The following UBASH3A variants were observed in gnomAD, a reference collection of about 807,000 sequenced individuals.
UBASH3A encodes ubiquitin-associated and SH3 domain-containing protein A.
Under a neutral mutation model 73.5 loss-of-function variants are expected in UBASH3A, and 63 were observed. The observed-to-expected ratio is 0.86, with a 90% CI of 0.70 to 1.06. The LOEUF (loss-of-function observed/expected upper bound fraction) is 1.06. UBASH3A is among the 50% of genes least tolerant of loss of function. UBASH3A has a pLI of 0.00. For synonymous variants in UBASH3A, 363 were observed against 351.1 expected, an observed-to-expected ratio of 1.03 and a Z score of -0.38; for missense variants, 860 against 859.0, an observed-to-expected ratio of 1.00 and a Z score of -0.02.
chr21:42,435,000 C>A (rs2053601596), intron 10 of UBASH3A, 46 bp downstream of exon 10: 5 of 1,606,410 alleles, frequency 3.1e-6, no homozygotes, highest in Non-Finnish European at 4.3e-6. Context: ...ATAACAGCAA[C>A]ACTGATTATG....
chr21:42,446,123 C>A (rs750219638), intron 14 of UBASH3A, among the ~76,000 whole-genome samples: 1 of 152,210 alleles, frequency 6.6e-6, no homozygotes, highest in East Asian at 1.9e-4. Context: ...AACCCATGAG[C>A]CTTTGTGGCC....
chr21:42,442,641 T>C (rs774146982), intron 12 of UBASH3A, 45 bp downstream of exon 12: 78 of 1,567,364 alleles, frequency 5.0e-5, no homozygotes, highest in Non-Finnish European at 6.5e-5. Flanking sequence ...TTTCCAGTTA[T>C]TGTTAAAGAA....
At chr21:42,434,641 G>A (rs951240192) in intron 9 of UBASH3A, among the ~76,000 whole-genome samples, 191 bp from the exon 10 acceptor site, 25 of 152,218 alleles carry the variant, frequency 1.6e-4, no homozygotes, top group African/African-American at 6.0e-4. Context: ...AGAAAATGTT[G>A]TGTGCACAGC....
chr21:42,443,127 G>A, intron 12 of UBASH3A, 185 bp from the exon 13 acceptor site: 13 of 1,399,430 alleles, frequency 9.3e-6, no homozygotes, highest in South Asian at 1.6e-5. Context: ...AATGTGTGCT[G>A]GAGATTGACT....
chr21:42,420,191 T>C (rs1450791394), intron 7 of UBASH3A, among the ~76,000 whole-genome samples: 2 of 152,174 alleles, frequency 1.3e-5, no homozygotes, highest in African/African-American at 4.8e-5. Context: ...CCCCCACAGA[T>C]ACCCAAATCC....
At chr21:42,404,674 G>A (rs1308080806) in intron 1 of UBASH3A, among the ~76,000 whole-genome samples, 2 of 152,198 alleles carry the variant, frequency 1.3e-5, no homozygotes. Flanking sequence ...CCCAAAGCCC[G>A]CTGAGTCTCT....
intron 7 of UBASH3A, among the ~76,000 whole-genome samples, chr21:42,421,563 A>G (rs2053339037): frequency 6.6e-6 from 1 of 152,276 alleles, no homozygotes. Context: ...CTCAATCTAT[A>G]GATTTTCAGA....
rs113077271 is a variant in UBASH3A at position 42,407,117 on chromosome 21, C to T, written c.167+756C>T. On this transcript the variant is annotated intron_variant, in intron 2 of 14. Transcript: ENST00000319294. ...TGCGTGAGTGATTCTTCAAGCCACC[C>T]ACTGCCATGGGCCTGTTCTCTGCTC... 4.8e-3 allele frequency among the ~76,000 whole-genome samples: 733 copies of T among 152,236 alleles called. 8 individuals are homozygous for T. Among genetic ancestry groups the T allele is most frequent in the African/African-American group, 0.017 (707 of 41,526 alleles).
intron 10 of UBASH3A, 157 bp downstream of exon 10, chr21:42,435,111 C>T (rs968659131): frequency 1.3e-5 from 11 of 872,660 alleles, no homozygotes; most frequent in African/African-American, 1.7e-5. Flanking sequence ...AGAGGTTAAG[C>T]AACTTGCCCA....
In UBASH3A at chr21:42,443,315, C is replaced by A; in HGVS notation, c.1635C>A (p.Pro545=). ...CCTCTCCTTCTCATCCTTCCAGGCC[C>A]GCGTTTCCCCTGTCCGCCCTCATGC... The part of the protein sequence containing the change: ...ANFNIDTDYR[P]AFPLSALMPA... Residue 545 remains proline (P), a synonymous_variant, in exon 13 of 15, where the codon CCC becomes CCA. Transcript: ENST00000319294. 1 of 1,612,266 alleles carries A rather than the reference C, an allele frequency of 6.2e-7. No individual in the cohort carries two copies. Among genetic ancestry groups the A allele is most frequent in the South Asian group, 1.1e-5 (1 of 90,734 alleles).
In UBASH3A at chr21:42,447,075, T is replaced by C; in HGVS notation, c.1867T>C (p.Cys623Arg). The C allele has an allele frequency of 2.5e-6, 4 of 1,614,010 alleles. No homozygotes were observed. The highest frequency in any genetic ancestry group is 3.4e-6 in the Non-Finnish European group (4 of 1,179,964). ...GTTCCAGATCCCTTCCCTGGGCATG[T>C]GCTTCTGTGAAGAAAATAAAGAGGA... ...LVRKIPSLGM[C>R]FCEENKEEGK... Residue 623 changes from cysteine (C) to arginine (R), a missense_variant, in exon 15 of 15, where the codon TGC (cysteine) becomes CGC (arginine). Transcript: ENST00000319294.
intron 8 of UBASH3A, among the ~76,000 whole-genome samples, chr21:42,427,222 C>G (rs1252330940): frequency 6.6e-6 from 1 of 152,192 alleles, no homozygotes; most frequent in Non-Finnish European, 1.5e-5. Context: ...GTCCAGGGCA[C>G]AGCAGGGCAC....
chr21:42,419,387 A>G (rs2053289803), intron 7 of UBASH3A, among the ~76,000 whole-genome samples: 3 of 152,240 alleles, frequency 2.0e-5, no homozygotes, highest in African/African-American at 7.2e-5. Context: ...CAGGTGATAC[A>G]CTTAACACTT....
intron 10 of UBASH3A, 120 bp from the exon 11 acceptor site, chr21:42,437,368 A>AG: frequency 1.3e-6 from 1 of 793,304 alleles, no homozygotes; most frequent in East Asian, 2.6e-5. Flanking sequence ...GTGTCACACC[A>AG]GGGGGTGGAA....
intron 8 of UBASH3A, among the ~76,000 whole-genome samples, chr21:42,431,568 G>C (rs886758084): frequency 1.3e-5 from 2 of 152,246 alleles, no homozygotes; most frequent in Non-Finnish European, 2.9e-5. Flanking sequence ...AAAACAGCAA[G>C]GGGATGGATG....
chr21:42,432,528 A>G (rs1346211822), intron 9 of UBASH3A, among the ~76,000 whole-genome samples: 1 of 151,288 alleles, frequency 6.6e-6, no homozygotes, highest in Non-Finnish European at 1.5e-5. Flanking sequence ...AGGAAGTAAG[A>G]ATAGTGCTTA....
chr21:42,442,054 G>T (rs766960882), intron 11 of UBASH3A, among the ~76,000 whole-genome samples: 1 of 152,134 alleles, frequency 6.6e-6, no homozygotes, highest in Admixed American at 6.5e-5. Flanking sequence ...CATTCTTCAT[G>T]ATGGGTCACA....
At position 42,409,582 on chromosome 21, in the gene UBASH3A, C is replaced by A. The variant is rs1419137662; in HGVS notation, c.328C>A (p.His110Asn). The A allele has an allele frequency of 1.2e-5, 20 of 1,612,630 alleles. No individual in the cohort carries two copies. The highest frequency in any genetic ancestry group is 1.7e-5 in the Non-Finnish European group (20 of 1,179,532). The change falls in exon 3 of 15, where the codon CAC becomes AAC. Residue 110 changes from histidine (H) to asparagine (N), a missense_variant. By Grantham distance (68) the His-to-Asn change is moderately conservative. Coordinates refer to ENST00000319294, the MANE Select transcript of UBASH3A (RefSeq NM_018961.4). ...AKNRAHEVFP[H>N]VTLCDFFTCE... is the part of the protein sequence containing the mutation. ...GAACAGAGCTCATGAGGTCTTCCCA[C>A]ACGTGACACTCTGTGACTTCTTCAC...
At chr21:42,419,691 A>G (rs1047608981) in intron 7 of UBASH3A, among the ~76,000 whole-genome samples, 1 of 152,236 alleles carries the variant, frequency 6.6e-6, no homozygotes, top group South Asian at 2.1e-4. Flanking sequence ...TTTTAAGTTC[A>G]GAAGGTTTCC....
Sources: gnomAD v4.1 joint callset for allele counts (sites outside exome capture counted in the v4.1 genomes callset) on GRCh38, gnomAD v4.1.1 for gene constraint, MANE v1.5 for transcripts, NCBI Gene and HGNC (gene_info 2026-07-23, HGNC 2026-07-21) for gene names.